The following CLSTN1 variants were observed in gnomAD, a reference collection of about 807,000 sequenced individuals.
The protein encoded by CLSTN1 is calsyntenin-1.
A neutral mutation model predicts 108.3 loss-of-function variants in CLSTN1; 28 were observed. The observed-to-expected ratio is 0.26, with a 90% CI of 0.19 to 0.35. CLSTN1 has a LOEUF of 0.35. CLSTN1 is among the 10% of genes least tolerant of loss of function. The probability of loss-of-function intolerance (pLI) is 1.00; values close to 1 mark genes in which losing one functional copy is unlikely to be tolerated. For missense variants in CLSTN1, 1,157 were observed against 1,302.6 expected, an observed-to-expected ratio of 0.89 and a Z score of 1.72; for synonymous variants, 524 against 534.9, an observed-to-expected ratio of 0.98 and a Z score of 0.28.
intron 4 of CLSTN1, 138 bp from the exon 5 acceptor site, chr1:9,751,819 A>G (rs1441888070): frequency 7.2e-6 from 5 of 697,006 alleles, no homozygotes. Context: ...CATGAAATTC[A>G]TATGATGAAG....
chr1:9,820,030 CTT>C lies in CLSTN1; in HGVS notation c.91+3611_91+3612del, dbSNP rs879705237. On this transcript the variant is annotated intron_variant, in intron 1 of 18. Transcript: ENST00000377298. ...GCAACCAACAGAATTGATCCTTGAA[CTT>C]TTTTTTTTTTTTTGGTATTTTTGTA... is the stretch of plus-strand genomic sequence containing the variant. Among the ~76,000 whole-genome samples, 13 of 142,176 alleles carry C rather than the reference CTT, an allele frequency of 9.1e-5. No individual in the cohort carries two copies. The South Asian group carries it at 1.6e-3, about 17-fold the overall frequency. The allele number at this position is 142,176 out of a possible 152,430, so 93.3% of individuals were successfully genotyped here.
intron 1 of CLSTN1, among the ~76,000 whole-genome samples, chr1:9,812,745 G>A (rs932087621): frequency 2.6e-5 from 4 of 151,894 alleles, no homozygotes; most frequent in African/African-American, 9.7e-5. Flanking sequence ...CTACTCAGGA[G>A]GCTGAGGCAG....
chr1:9,741,886 T>A (rs896895728), intron 9 of CLSTN1, among the ~76,000 whole-genome samples: 1 of 152,230 alleles, frequency 6.6e-6, no homozygotes, highest in Non-Finnish European at 1.5e-5. Flanking sequence ...CACTCCAGCC[T>A]GGGTGACAGA....
At chr1:9,745,687 C>A (rs1018419898) in intron 7 of CLSTN1, among the ~76,000 whole-genome samples, 1 of 151,692 alleles carries the variant, frequency 6.6e-6, no homozygotes, top group African/African-American at 2.4e-5. Flanking sequence ...AAAGTGGAGT[C>A]CTGCTATGTA....
At position 9,749,982 on chromosome 1, in the gene CLSTN1, G is replaced by A. The variant is rs566527994; in HGVS notation, c.650-69C>T. On this transcript the variant is annotated intron_variant, in intron 5 of 18. Coordinates refer to ENST00000377298, the MANE Select transcript of CLSTN1 (RefSeq NM_001009566.3). ...GGTTTTACTTTTGTTGTCCTAGGCGGAAAGACAAAATGCATAGGCTTTAAG... is the reference window on the plus strand; with the variant it reads ...GGTTTTACTTTTGTTGTCCTAGGCGAAAAGACAAAATGCATAGGCTTTAAG... The A allele has an allele frequency of 3.1e-5, 42 of 1,364,854 alleles. No homozygotes were observed. The Admixed American group carries it at 3.4e-4, about 11-fold the overall frequency. The allele number at this position is 1,364,854 out of a possible 1,614,324, so 84.5% of individuals were successfully genotyped here.
chr1:9,770,660 A>G (rs1170871521), intron 2 of CLSTN1, among the ~76,000 whole-genome samples: 2 of 152,228 alleles, frequency 1.3e-5, no homozygotes, highest in East Asian at 3.8e-4. Context: ...TACAGTACTT[A>G]GAGTAGTGCC....
chr1:9,800,803 G>A (rs944331787), intron 1 of CLSTN1, among the ~76,000 whole-genome samples: 7 of 151,648 alleles, frequency 4.6e-5, no homozygotes, highest in African/African-American at 1.7e-4. Context: ...CAGGAGTGTG[G>A]TGGCATGCTC....
chr1:9,748,875 C>CA (rs1177426622), intron 7 of CLSTN1, among the ~76,000 whole-genome samples: 1 of 152,118 alleles, frequency 6.6e-6, no homozygotes, highest in Non-Finnish European at 1.5e-5. Flanking sequence ...GGATGATTCT[C>CA]AGAGTATGCT....
At chr1:9,793,987 C>G (rs1653880132) in intron 1 of CLSTN1, among the ~76,000 whole-genome samples, 1 of 151,452 alleles carries the variant, frequency 6.6e-6, no homozygotes, top group Non-Finnish European at 1.5e-5. Context: ...TTAGAACTCT[C>G]CCGCTCCAAC....
At chr1:9,747,291 G>C (rs1651317864) in intron 7 of CLSTN1, among the ~76,000 whole-genome samples, 1 of 149,050 alleles carries the variant, frequency 6.7e-6, no homozygotes, top group Non-Finnish European at 1.5e-5. Flanking sequence ...ACCATGAAAT[G>C]AGAGACGGAA....
At chr1:9,747,223 C>T (rs1414090107) in intron 7 of CLSTN1, among the ~76,000 whole-genome samples, 2 of 140,486 alleles carry the variant, frequency 1.4e-5, no homozygotes, top group Non-Finnish European at 3.1e-5. Context: ...GCATAGTAAG[C>T]ACTCAAATTA....
At chr1:9,789,265 G>A (rs1327136009) in intron 1 of CLSTN1, among the ~76,000 whole-genome samples, 4 of 151,334 alleles carry the variant, frequency 2.6e-5, no homozygotes, top group South Asian at 2.2e-4. Flanking sequence ...CCGCCATACC[G>A]TTCTCCATAG....
chr1:9,760,820 C>T (rs1016802119), intron 2 of CLSTN1, among the ~76,000 whole-genome samples: 1 of 151,484 alleles, frequency 6.6e-6, no homozygotes, highest in Non-Finnish European at 1.5e-5. Context: ...TGAGCCACCA[C>T]GCCCGCCCCA....
intron 10 of CLSTN1, 132 bp downstream of exon 10, chr1:9,740,962 C>T (rs567566100): frequency 3.0e-6 from 3 of 1,015,258 alleles, no homozygotes; most frequent in South Asian, 1.6e-5. Flanking sequence ...AGGCTGTACA[C>T]AGGAAATGGA....
chr1:9,816,420 G>C (rs1200186777), intron 1 of CLSTN1, among the ~76,000 whole-genome samples: 1 of 151,956 alleles, frequency 6.6e-6, no homozygotes, highest in Non-Finnish European at 1.5e-5. Flanking sequence ...AAAGTGTTCT[G>C]AAATTAGATA....
rs191776669 is a variant in CLSTN1, at chr1:9,814,032, A to G, written c.91+9611T>C. Among the ~76,000 whole-genome samples, 356 of 151,702 alleles carry G rather than the reference A, an allele frequency of 2.3e-3. 1 individual carries two copies. Among genetic ancestry groups the G allele is most frequent in the Non-Finnish European group, 3.6e-3 (245 of 67,872 alleles). ...CAGGAGAATGGCATGAACCTGGGAGAAGGAGCTTGCAGTGAGCCAAGATCA... is the reference window on the plus strand; with the variant it reads ...CAGGAGAATGGCATGAACCTGGGAGGAGGAGCTTGCAGTGAGCCAAGATCA... On this transcript the variant is annotated intron_variant, in intron 1 of 18. Transcript: ENST00000377298.
At chr1:9,784,601 C>T (rs1490445308) in intron 1 of CLSTN1, among the ~76,000 whole-genome samples, 1 of 152,198 alleles carries the variant, frequency 6.6e-6, no homozygotes, top group East Asian at 1.9e-4. Context: ...AAAACAACAG[C>T]TAAATATTGC....
chr1:9,807,926 TCGGCC>T (rs1347883194), intron 1 of CLSTN1, among the ~76,000 whole-genome samples: 19 of 152,226 alleles, frequency 1.2e-4, no homozygotes, highest in Non-Finnish European at 2.1e-4. Flanking sequence ...CTCTGGTACC[TCGGCC>T]TCCTAGCCCC....
At chr1:9,760,750 G>C (rs548390111) in intron 2 of CLSTN1, among the ~76,000 whole-genome samples, 1 of 144,734 alleles carries the variant, frequency 6.9e-6, no homozygotes, top group African/African-American at 2.6e-5. Flanking sequence ...GCTGGTCTTG[G>C]ACTCCTGAGC....
Sources: gnomAD v4.1 joint callset for allele counts (sites outside exome capture counted in the v4.1 genomes callset) on GRCh38, gnomAD v4.1.1 for gene constraint, MANE v1.5 for transcripts, NCBI Gene and HGNC (gene_info 2026-07-23, HGNC 2026-07-21) for gene names.